Variants in TASP1 observed in about 807,000 individuals in gnomAD.
TASP1 encodes taspase 1.
TASP1 carries 16 observed loss-of-function variants against 56.6 expected under a neutral mutation model. The ratio of observed to expected loss-of-function variants is 0.28; its 90% CI spans 0.19 to 0.43. The LOEUF (loss-of-function observed/expected upper bound fraction) is 0.43. Among genes scored for constraint, TASP1 ranks in the 20% least tolerant of loss-of-function variants. The pLI, the probability that TASP1 is intolerant of heterozygous loss-of-function variation, is 1.00. For missense variants in TASP1, 393 were observed against 511.6 expected (o/e 0.77, Z 2.24); for synonymous variants, 179 against 184.2 (o/e 0.97, Z 0.23).
At chr20:13,447,696 G>T (rs1417200208) in intron 11 of TASP1, among the ~76,000 whole-genome samples, 1 of 152,154 alleles carries the variant, frequency 6.6e-6, no homozygotes, top group African/African-American at 2.4e-5. Flanking sequence ...TGAAAGGCTG[G>T]ATTGCTTTCA....
At chr20:13,298,372 T>A in the TASP1 span, among the ~76,000 whole-genome samples, 1 of 152,180 alleles carries the variant, frequency 6.6e-6, no homozygotes, top group East Asian at 1.9e-4. Flanking sequence ...CGCCTCAGCC[T>A]CCCAAAGTGC....
chr20:13,552,621 G>A (rs1173073305), intron 8 of TASP1, among the ~76,000 whole-genome samples: 1 of 152,084 alleles, frequency 6.6e-6, no homozygotes, highest in Admixed American at 6.6e-5. Context: ...CACACTAAAG[G>A]AAGACTGGCA....
the TASP1 span, among the ~76,000 whole-genome samples, chr20:13,361,917 T>C: frequency 6.6e-6 from 1 of 152,126 alleles, no homozygotes; most frequent in African/African-American, 2.4e-5. Flanking sequence ...TCCCAGTTCT[T>C]AGACCTTTTA....
At chr20:13,626,355 A>T (rs2048887328) in intron 2 of TASP1, among the ~76,000 whole-genome samples, 1 of 152,192 alleles carries the variant, frequency 6.6e-6, no homozygotes, top group African/African-American at 2.4e-5. Context: ...TGAACCTGGG[A>T]GGCAGAGGTT....
chr20:13,606,047 T>C (rs1241733684), intron 4 of TASP1, among the ~76,000 whole-genome samples: 1 of 152,178 alleles, frequency 6.6e-6, no homozygotes, highest in Non-Finnish European at 1.5e-5. Flanking sequence ...GCATCTATTA[T>C]TCATTCATTC....
chr20:13,597,795 C>A (rs1267192613), intron 4 of TASP1, among the ~76,000 whole-genome samples: 2 of 152,206 alleles, frequency 1.3e-5, no homozygotes, highest in African/African-American at 4.8e-5. Flanking sequence ...ATCATCTCAG[C>A]CCAAAATCTC....
chr20:13,217,946 G>A, the TASP1 span, among the ~76,000 whole-genome samples: 1 of 152,076 alleles, frequency 6.6e-6, no homozygotes, highest in Admixed American at 6.5e-5. Flanking sequence ...AGAGTCCTTT[G>A]CCATGTAGAA....
the TASP1 span, chr20:13,292,576 G>T: frequency 1.4e-6 from 1 of 690,504 alleles, no homozygotes; most frequent in Non-Finnish European, 2.5e-6. Context: ...CCTTTTCTGG[G>T]GTCCAGTGCT....
the TASP1 span, among the ~76,000 whole-genome samples, chr20:13,145,602 A>G: frequency 6.6e-6 from 1 of 152,216 alleles, no homozygotes; most frequent in Non-Finnish European, 1.5e-5. Flanking sequence ...CCATCAAACT[A>G]CCAATGACAT....
the TASP1 span, chr20:13,221,870 G>C: frequency 6.3e-6 from 9 of 1,419,190 alleles, no homozygotes; most frequent in East Asian, 3.1e-5. Flanking sequence ...AGCCGCCGAC[G>C]GGCCCGACGC....
chr20:13,581,357 C>T (rs2047119447), intron 5 of TASP1, among the ~76,000 whole-genome samples: 1 of 152,100 alleles, frequency 6.6e-6, no homozygotes, highest in Non-Finnish European at 1.5e-5. Flanking sequence ...TATACATGCT[C>T]CAGGCATTTA....
At chr20:13,440,576 A>T (rs559530790) in intron 11 of TASP1, among the ~76,000 whole-genome samples, 2 of 152,190 alleles carry the variant, frequency 1.3e-5, no homozygotes, top group African/African-American at 4.8e-5. Flanking sequence ...ATTACCAAAA[A>T]AATAATAAGA....
At chr20:13,408,248 G>A (rs1414005957) in intron 13 of TASP1, among the ~76,000 whole-genome samples, 3 of 151,938 alleles carry the variant, frequency 2.0e-5, no homozygotes, top group Admixed American at 6.6e-5. Context: ...TGGGATAAAG[G>A]GTCCAACTTC....
At chr20:13,584,584 A>C (rs1260824883) in intron 5 of TASP1, among the ~76,000 whole-genome samples, 1 of 152,220 alleles carries the variant, frequency 6.6e-6, no homozygotes, top group Non-Finnish European at 1.5e-5. Context: ...AATTGACCTA[A>C]GTGACACACA....
chr20:13,442,370 A>G (rs1442223262), intron 11 of TASP1, among the ~76,000 whole-genome samples: 1 of 152,044 alleles, frequency 6.6e-6, no homozygotes, highest in African/African-American at 2.4e-5. Flanking sequence ...ATGGCAAGAA[A>G]GAAGAGAATG....
the TASP1 span, among the ~76,000 whole-genome samples, chr20:13,343,217 G>T: frequency 6.6e-6 from 1 of 152,188 alleles, no homozygotes; most frequent in Admixed American, 6.5e-5. Context: ...ATTAAATGAG[G>T]TCCGGCAAGA....
the TASP1 span, among the ~76,000 whole-genome samples, chr20:13,272,832 T>A: frequency 6.6e-6 from 1 of 152,208 alleles, no homozygotes; most frequent in African/African-American, 2.4e-5. Context: ...TCATGGCTCA[T>A]CCATGTGTTT....
intron 1 of TASP1, among the ~76,000 whole-genome samples, chr20:13,632,954 A>G (rs1184283385): frequency 6.6e-6 from 1 of 152,224 alleles, no homozygotes; most frequent in Non-Finnish European, 1.5e-5. Context: ...TTACACTTAA[A>G]TACCATTTTT....
At chr20:13,577,376 A>T (rs1030495019) in intron 6 of TASP1, among the ~76,000 whole-genome samples, 1 of 152,206 alleles carries the variant, frequency 6.6e-6, no homozygotes, top group East Asian at 1.9e-4. Flanking sequence ...CTTTTTAAGA[A>T]AACAGAAGTT....
Sources: gnomAD v4.1 joint callset for allele counts (sites outside exome capture counted in the v4.1 genomes callset) on GRCh38, gnomAD v4.1.1 for gene constraint, MANE v1.5 for transcripts, NCBI Gene and HGNC (gene_info 2026-07-23, HGNC 2026-07-21) for gene names.